CCSER1: variants seen among roughly 807,000 people sequenced by gnomAD.
CCSER1 encodes the protein coiled-coil serine rich protein 1, also known as serine-rich coiled-coil domain-containing protein 1.
In CCSER1, 41 loss-of-function variants were observed where a neutral mutation model predicts 82.0. That is an observed-to-expected ratio of 0.50 (90% CI 0.39 to 0.65). CCSER1 has a LOEUF of 0.65. Ranked by LOEUF, CCSER1 falls within the 30% of genes least tolerant of loss-of-function variation. The pLI is 0.00. For missense variants in CCSER1, 1,119 were observed against 1,064.2 expected (o/e 1.05, Z -0.72); for synonymous variants, 414 against 383.9 (o/e 1.08, Z -0.92).
chr4:90,747,030 G>T lies in CCSER1; in HGVS notation c.2010+23039G>T, dbSNP rs1380954208. On this transcript the variant is annotated intron_variant, in intron 7 of 10. Coordinates refer to ENST00000509176, the MANE Select transcript of CCSER1 (RefSeq NM_001145065.2). The stretch of plus-strand genomic sequence containing the variant: ...TATCCATTTGCTTGATATAACTGAG[G>T]AGTGGTAAAGATCAAAGTAGAGGAA... Among the ~76,000 whole-genome samples the T allele has an allele frequency of 3.3e-5, 5 of 151,990 alleles. No individual in the cohort carries two copies. The East Asian group carries it at 9.7e-4, about 29-fold the overall frequency.
chr4:90,845,932 T>C (rs902532335), intron 8 of CCSER1, among the ~76,000 whole-genome samples: 1 of 152,058 alleles, frequency 6.6e-6, no homozygotes, highest in Admixed American at 6.6e-5. Context: ...AAATGCTGAG[T>C]CATTAGTGTC....
chr4:90,476,241 ATGCATT>A (rs1765087702), intron 5 of CCSER1, among the ~76,000 whole-genome samples: 3 of 152,264 alleles, frequency 2.0e-5, no homozygotes, highest in African/African-American at 7.2e-5. Flanking sequence ...CTTACATAAG[ATGCATT>A]TCCTGAAAGC....
At chr4:91,218,115 G>A (rs907205431) in intron 10 of CCSER1, among the ~76,000 whole-genome samples, 9 of 152,222 alleles carry the variant, frequency 5.9e-5, no homozygotes, top group East Asian at 1.9e-4. Flanking sequence ...GCCCTGCCCC[G>A]TGGGAAGGCA....
At chr4:90,683,731 T>G (rs1259255671) in intron 6 of CCSER1, among the ~76,000 whole-genome samples, 1 of 152,024 alleles carries the variant, frequency 6.6e-6, no homozygotes, top group Non-Finnish European at 1.5e-5. Flanking sequence ...AGCATACCTA[T>G]TTAAATCAAG....
intron 10 of CCSER1, among the ~76,000 whole-genome samples, chr4:91,288,614 G>T (rs1484375871): frequency 6.6e-6 from 1 of 151,904 alleles, no homozygotes; most frequent in African/African-American, 2.4e-5. Flanking sequence ...CTTGAAGAAG[G>T]GAACAACAGC....
intron 10 of CCSER1, among the ~76,000 whole-genome samples, chr4:91,387,673 G>A (rs529638306): frequency 1.1e-4 from 17 of 152,008 alleles, no homozygotes; most frequent in African/African-American, 4.1e-4. Context: ...GTATTACAAG[G>A]CAATGCATGA....
chr4:90,517,133 A>G (rs1261517059), intron 5 of CCSER1, among the ~76,000 whole-genome samples: 1 of 152,184 alleles, frequency 6.6e-6, no homozygotes, highest in African/African-American at 2.4e-5. Flanking sequence ...ATTAGTTTAC[A>G]GTTAGCAAAA....
At chr4:91,412,957 A>G (rs945081463) in intron 10 of CCSER1, among the ~76,000 whole-genome samples, 3 of 152,128 alleles carry the variant, frequency 2.0e-5, no homozygotes, top group African/African-American at 7.2e-5. Context: ...GGAAACAAAA[A>G]AAAAACAGAT....
At chr4:90,158,650 T>G (rs948264232) in intron 1 of CCSER1, among the ~76,000 whole-genome samples, 1 of 152,152 alleles carries the variant, frequency 6.6e-6, no homozygotes, top group African/African-American at 2.4e-5. Context: ...TAGCAATCAG[T>G]GAGACTCCGT....
intron 6 of CCSER1, among the ~76,000 whole-genome samples, chr4:90,709,867 T>C (rs1740170421): frequency 6.6e-6 from 1 of 152,070 alleles, no homozygotes; most frequent in Non-Finnish European, 1.5e-5. Context: ...CACATTGTCT[T>C]CCACAATGGT....
chr4:91,429,360 A>G (rs1754165484), intron 10 of CCSER1, among the ~76,000 whole-genome samples: 1 of 152,114 alleles, frequency 6.6e-6, no homozygotes, highest in African/African-American at 2.4e-5. Flanking sequence ...TCTTTTTTAA[A>G]GAAAACAGGT....
intron 1 of CCSER1, among the ~76,000 whole-genome samples, chr4:90,260,860 C>T (rs1334302828): frequency 6.6e-6 from 1 of 152,262 alleles, no homozygotes; most frequent in East Asian, 1.9e-4. Context: ...GGATTACAGG[C>T]GTGTGCCAGC....
At chr4:91,426,954 T>C (rs1349926494) in intron 10 of CCSER1, among the ~76,000 whole-genome samples, 1 of 152,158 alleles carries the variant, frequency 6.6e-6, no homozygotes, top group Non-Finnish European at 1.5e-5. Flanking sequence ...GTAGATGCTG[T>C]TACCATCCCC....
chr4:91,265,274 ATAAAG>A (rs1189448034), intron 10 of CCSER1, among the ~76,000 whole-genome samples: 1 of 152,132 alleles, frequency 6.6e-6, no homozygotes, highest in African/African-American at 2.4e-5. Flanking sequence ...AAGCTCCTGA[ATAAAG>A]TATGATTTAT....
chr4:91,094,622 C>T (rs968837644), intron 10 of CCSER1, among the ~76,000 whole-genome samples: 4 of 152,158 alleles, frequency 2.6e-5, no homozygotes, highest in Non-Finnish European at 5.9e-5. Context: ...AAGATCTTCT[C>T]TGGGAACCGG....
At chr4:91,120,823 A>G (rs1727020618) in intron 10 of CCSER1, among the ~76,000 whole-genome samples, 1 of 151,924 alleles carries the variant, frequency 6.6e-6, no homozygotes, top group Non-Finnish European at 1.5e-5. Flanking sequence ...TGGAGGTAGA[A>G]AAATGATATC....
At chr4:90,173,330 G>GT (rs1000660475) in intron 1 of CCSER1, among the ~76,000 whole-genome samples, 21 of 134,762 alleles carry the variant, frequency 1.6e-4, no homozygotes, top group East Asian at 9.3e-4. Flanking sequence ...CTGCAATTGT[G>GT]TTTTTTTTCA....
chr4:91,285,291 A>T (rs1332930205), intron 10 of CCSER1, among the ~76,000 whole-genome samples: 4 of 150,912 alleles, frequency 2.7e-5, no homozygotes, highest in Non-Finnish European at 5.9e-5. Flanking sequence ...TAAAGAAAAA[A>T]GTCCTTGTGC....
At chr4:90,382,836 A>G (rs557412604) in intron 3 of CCSER1, among the ~76,000 whole-genome samples, 1 of 152,162 alleles carries the variant, frequency 6.6e-6, no homozygotes, top group East Asian at 1.9e-4. Flanking sequence ...TAACTAAAAA[A>G]TGTTACATTT....
Sources: allele counts gnomAD v4.1 joint callset (sites outside exome capture counted in the v4.1 genomes callset), GRCh38; gene constraint gnomAD v4.1.1; transcripts MANE v1.5; gene names NCBI Gene and HGNC (gene_info 2026-07-23, HGNC 2026-07-21).